Variants in APOBEC2 observed in about 807,000 individuals in gnomAD.
The protein encoded by APOBEC2 is apolipoprotein B mRNA editing enzyme catalytic subunit 2.
A neutral mutation model predicts 19.4 loss-of-function variants in APOBEC2; 14 were observed. The observed-to-expected ratio is 0.72, with a 90% CI of 0.48 to 1.13. The LOEUF (loss-of-function observed/expected upper bound fraction) is 1.13. APOBEC2 is among the 50% of genes most tolerant of loss of function. The pLI, the probability that APOBEC2 is intolerant of heterozygous loss-of-function variation, is 0.00. For synonymous variants in APOBEC2, 127 were observed against 112.1 expected (o/e 1.13, Z -0.84); for missense variants, 304 against 277.0 (o/e 1.10, Z -0.69).
intron 1 of APOBEC2, among the ~76,000 whole-genome samples, chr6:41,061,103 C>T (rs1256091248): frequency 1.3e-5 from 2 of 151,256 alleles, no homozygotes; most frequent in African/African-American, 4.9e-5. Context: ...AAAATGCACA[C>T]CTCAGTCCAA....
In APOBEC2 at chr6:41,061,346, C is replaced by T; in HGVS notation, c.150C>T (p.Asn50=). Residue 50 remains asparagine (N), a synonymous_variant, in exon 2 of 3, where the codon AAC becomes AAT. Coordinates refer to ENST00000244669, the MANE Select transcript of APOBEC2 (RefSeq NM_006789.4). ...EIVTGERLPA[N]FFKFQFRNVE... is the part of the protein sequence containing the mutation. ...CCTACAGAGAACGGCTGCCTGCCAA[C>T]TTCTTTAAATTCCAGTTCCGGAATG... 2 of 1,529,292 alleles carry T rather than the reference C, an allele frequency of 1.3e-6. No individual in the cohort carries two copies. Among genetic ancestry groups the T allele is most frequent in the East Asian group, 2.3e-5 (1 of 44,136 alleles). The allele number at this position is 1,529,292 out of a possible 1,614,324, so 94.7% of individuals were successfully genotyped here.
At position 41,064,107 on chromosome 6, in the gene APOBEC2, C is replaced by G. The variant is rs1249091187; in HGVS notation, c.*28C>G. On this transcript the variant is annotated 3_prime_UTR_variant, in exon 3 of 3. Coordinates refer to ENST00000244669, the MANE Select transcript of APOBEC2 (RefSeq NM_006789.4). ...CTTTGTTTGTTTTACCAAGGTATTC[C>G]TGCTGCCACCAAGAGACAGCAATGA... is the stretch of plus-strand genomic sequence containing the variant. 6.6e-6 allele frequency: 1 copy of G among 152,526 alleles called. No homozygotes were observed. The highest frequency in any genetic ancestry group is 2.4e-5 in the African/African-American group (1 of 41,414). 9.4% of individuals were successfully genotyped at this position (152,526 alleles called of 1,614,324 possible).
At chr6:41,063,139 T>C (rs931182027) in intron 2 of APOBEC2, among the ~76,000 whole-genome samples, 1 of 152,178 alleles carries the variant, frequency 6.6e-6, no homozygotes, top group African/African-American at 2.4e-5. Context: ...CTATTAGACA[T>C]GCACATGGGC....
At chr6:41,059,006 G>A (rs141204018) in intron 1 of APOBEC2, among the ~76,000 whole-genome samples, 66 of 152,224 alleles carry the variant, frequency 4.3e-4, no homozygotes, top group African/African-American at 1.5e-3. Context: ...CCTCTCCCTT[G>A]GGTTTCAGGT....
intron 1 of APOBEC2, among the ~76,000 whole-genome samples, chr6:41,058,979 G>A (rs1465902404): frequency 2.6e-5 from 4 of 152,152 alleles, no homozygotes; most frequent in Admixed American, 2.0e-4. Context: ...CGTATTTATA[G>A]AGAGATGACC....
rs1762925383 is a variant in APOBEC2 at position 41,064,248 on chromosome 6, C to T, written c.*169C>T. The T allele has an allele frequency of 6.6e-6, 1 of 152,536 alleles. No individual in the cohort carries two copies. The highest frequency in any genetic ancestry group is 2.4e-5 in the African/African-American group (1 of 41,392). The allele number at this position is 152,536 out of a possible 1,614,324, so 9.4% of individuals were successfully genotyped here. On this transcript the variant is annotated 3_prime_UTR_variant, in exon 3 of 3. Coordinates refer to ENST00000244669, the MANE Select transcript of APOBEC2 (RefSeq NM_006789.4). Reference sequence around the variant, plus strand: ...CTTAGAGGACTTGAAATATACTTCTCATGCTGTAGTTTATTTAGGCTGTGA... The same window carrying T: ...CTTAGAGGACTTGAAATATACTTCTTATGCTGTAGTTTATTTAGGCTGTGA...
intron 1 of APOBEC2, among the ~76,000 whole-genome samples, chr6:41,055,398 C>G (rs2114025640): frequency 6.6e-6 from 1 of 152,306 alleles, no homozygotes; most frequent in Admixed American, 6.5e-5. Flanking sequence ...GAGCTGTCTC[C>G]TGGGCCCCTC....
intron 1 of APOBEC2, among the ~76,000 whole-genome samples, chr6:41,059,386 A>G (rs538121030): frequency 6.6e-6 from 1 of 152,254 alleles, no homozygotes. Flanking sequence ...TCAAAAGCAA[A>G]AAGCCACTCC....
At position 41,061,763 on chromosome 6, in the gene APOBEC2, G is replaced by C. The variant is rs745865989; in HGVS notation, c.567G>C (p.Gln189His). The part of the protein sequence containing the change: ...MKPQDFEYVW[Q>H]NFVEQEEGES... ...CCCAGGACTTCGAATATGTCTGGCA[G>C]AATTTTGTGGAGCAAGAAGAGGGTG... Residue 189 changes from glutamine to histidine, a missense_variant, in exon 2 of 3, where the codon CAG (glutamine) becomes CAC (histidine). Physicochemically the swap from Gln to His is conservative, Grantham distance 24 (BLOSUM62 0). Coordinates refer to ENST00000244669, the MANE Select transcript of APOBEC2 (RefSeq NM_006789.4). The C allele has an allele frequency of 2.5e-6, 4 of 1,614,112 alleles. No individual in the cohort carries two copies. In the East Asian group the frequency reaches 6.7e-5, roughly 27 times the overall value.
chr6:41,063,460 A>G (rs1231526090), intron 2 of APOBEC2, among the ~76,000 whole-genome samples: 3 of 151,320 alleles, frequency 2.0e-5, no homozygotes, highest in Non-Finnish European at 4.4e-5. Context: ...CTTAAAATTT[A>G]ACCCCAGTAT....
rs1442070098 is a variant in APOBEC2, at chr6:41,061,861, T to C, written c.665T>C (p.Ile222Thr). The C allele has an allele frequency of 1.2e-6, 2 of 1,612,824 alleles. No individual in the cohort carries two copies. Among genetic ancestry groups the C allele is most frequent in the Admixed American group, 3.3e-5 (2 of 59,976 alleles). Reference protein sequence around the residue: ...FLYYEEKLADILK With the variant: ...FLYYEEKLADTLK ...TACTACGAGGAGAAGTTGGCAGACA[T>C]CCTGAAGTAGGGCAACTGGGCTTTG... The change falls in exon 2 of 3, where the codon ATC (isoleucine) becomes ACC (threonine). Residue 222 changes from isoleucine to threonine, a missense_variant. Ile to Thr is a moderately conservative substitution (Grantham distance 89). Transcript: ENST00000244669.
intron 1 of APOBEC2, among the ~76,000 whole-genome samples, chr6:41,057,960 G>A (rs1000463531): frequency 2.6e-5 from 4 of 152,192 alleles, no homozygotes; most frequent in African/African-American, 9.7e-5. Flanking sequence ...GGTCTAAGCA[G>A]ATGAAGTGTG....
chr6:41,058,730 G>C (rs1487349961), intron 1 of APOBEC2, among the ~76,000 whole-genome samples: 2 of 152,160 alleles, frequency 1.3e-5, no homozygotes, highest in South Asian at 4.1e-4. Flanking sequence ...ATTTCGGTCT[G>C]TGAGAGGCCT....
intron 1 of APOBEC2, among the ~76,000 whole-genome samples, chr6:41,054,510 A>C (rs1228385047): frequency 6.6e-6 from 1 of 152,250 alleles, no homozygotes. Context: ...GTGATTTTCC[A>C]GTCAGCCACA....
Position 41,061,864 on chromosome 6 carries a change from T to C in APOBEC2, c.668T>C (p.Leu223Pro). 1 of 1,612,538 alleles carries C rather than the reference T, an allele frequency of 6.2e-7. No homozygotes were observed. The highest frequency in any genetic ancestry group is 8.5e-7 in the Non-Finnish European group (1 of 1,179,184). ...LYYEEKLADI[L>P]K ...TACGAGGAGAAGTTGGCAGACATCC[T>C]GAAGTAGGGCAACTGGGCTTTGCCT... Residue 223 changes from leucine (L) to proline (P), a missense_variant, in exon 2 of 3, where the codon CTG becomes CCG. Transcript: ENST00000244669.
rs551748229 is a variant in APOBEC2, at chr6:41,061,990, T to C, written c.*21+98T>C. ...AATCTGTGATATGTCTGATTTTCCTTTGGAAGGGTTTCATTTCTCTGCTTT... is the reference window on the plus strand; with the variant it reads ...AATCTGTGATATGTCTGATTTTCCTCTGGAAGGGTTTCATTTCTCTGCTTT... On this transcript the variant is annotated intron_variant, in intron 2 of 2. Transcript: ENST00000244669. The C allele has an allele frequency of 1.0e-4, 115 of 1,153,758 alleles. 1 individual carries two copies. Among genetic ancestry groups the C allele is most frequent in the South Asian group, 3.1e-4 (20 of 63,832 alleles). The allele number at this position is 1,153,758 out of a possible 1,614,324, so 71.5% of individuals were successfully genotyped here. A position where few individuals can be genotyped will look rare whatever the true frequency, so the allele number is the denominator to read the frequency against.
intron 1 of APOBEC2, among the ~76,000 whole-genome samples, chr6:41,058,162 C>T (rs953852883): frequency 1.4e-5 from 2 of 141,622 alleles, no homozygotes; most frequent in East Asian, 2.0e-4. Flanking sequence ...CACACACACA[C>T]ACACACACAC....
At chr6:41,053,749 C>T (rs568522159) in intron 1 of APOBEC2, among the ~76,000 whole-genome samples, 4 of 152,220 alleles carry the variant, frequency 2.6e-5, no homozygotes, top group African/African-American at 9.6e-5. Context: ...ACCCTTCAGG[C>T]CTCCTGGTAT....
intron 1 of APOBEC2, among the ~76,000 whole-genome samples, chr6:41,060,342 G>A (rs1762855561): frequency 6.6e-6 from 1 of 152,124 alleles, no homozygotes; most frequent in Non-Finnish European, 1.5e-5. Context: ...ATCTTGCATG[G>A]ACATCATTTT....
Sources: allele counts gnomAD v4.1 joint callset (sites outside exome capture counted in the v4.1 genomes callset), GRCh38; gene constraint gnomAD v4.1.1; transcripts MANE v1.5; gene names NCBI Gene and HGNC (gene_info 2026-07-23, HGNC 2026-07-21).